UXS1: variants seen among roughly 807,000 people sequenced by gnomAD.
UXS1 encodes the protein UDP-glucuronic acid decarboxylase 1.
A neutral mutation model predicts 62.6 loss-of-function variants in UXS1; 33 were observed. The ratio of observed to expected loss-of-function variants is 0.53; its 90% CI spans 0.40 to 0.70. The LOEUF (loss-of-function observed/expected upper bound fraction) is 0.70. Among genes scored for constraint, UXS1 ranks in the 30% least tolerant of loss-of-function variants. The pLI is 0.00. For missense variants in UXS1, 434 were observed against 556.3 expected (o/e 0.78, Z 2.21); for synonymous variants, 213 against 206.8 (o/e 1.03, Z -0.26).
Position 106,137,344 on chromosome 2 carries a change from C to T in UXS1, c.473-7566G>A, listed in dbSNP as rs527569054. ...GTTTCCAGCTAGGATCAGCACAGAC[C>T]GGGTCAGTTCCTGCTACACCTACTT... On this transcript the variant is annotated intron_variant, in intron 6 of 14. Coordinates refer to ENST00000283148, the MANE Select transcript of UXS1 (RefSeq NM_001253875.2). Among the ~76,000 whole-genome samples the T allele has an allele frequency of 5.4e-4, 83 of 152,328 alleles. 4 individuals carry two copies. The highest frequency in any genetic ancestry group is 4.1e-3 in the Admixed American group (62 of 15,306).
intron 11 of UXS1, among the ~76,000 whole-genome samples, chr2:106,103,477 T>C (rs1677781739): frequency 6.6e-6 from 1 of 152,150 alleles, no homozygotes; most frequent in Admixed American, 6.5e-5. Context: ...CGCGTCACTA[T>C]GGAAAGACGG....
At chr2:106,174,853 C>A (rs1473947463) in intron 1 of UXS1, among the ~76,000 whole-genome samples, 1 of 152,220 alleles carries the variant, frequency 6.6e-6, no homozygotes, top group Non-Finnish European at 1.5e-5. Context: ...ACACAGCTAG[C>A]GCCCACCCAT....
chr2:106,130,748 C>A (rs1029375821), intron 6 of UXS1, among the ~76,000 whole-genome samples: 2 of 152,326 alleles, frequency 1.3e-5, no homozygotes, highest in African/African-American at 4.8e-5. Context: ...GCAGGTCAGT[C>A]TGGAGGTTCT....
At chr2:106,161,271 C>T (rs948408947) in intron 4 of UXS1, among the ~76,000 whole-genome samples, 11 of 152,114 alleles carry the variant, frequency 7.2e-5, no homozygotes, top group African/African-American at 2.7e-4. Context: ...CAGCTCACTG[C>T]AGCCTTGTAT....
At chr2:106,138,585 A>G in intron 6 of UXS1, 1 of 985,512 alleles carries the variant, frequency 1.0e-6, no homozygotes, top group Non-Finnish European at 1.2e-6. Flanking sequence ...ACAGGGCTCC[A>G]CAAAAGTTAG....
intron 6 of UXS1, among the ~76,000 whole-genome samples, chr2:106,139,282 T>C (rs1427220603): frequency 6.6e-6 from 1 of 152,084 alleles, no homozygotes; most frequent in Non-Finnish European, 1.5e-5. Context: ...GGAGCTCAGC[T>C]AGAAAAATAG....
chr2:106,143,394 G>C (rs1307480353), intron 6 of UXS1, among the ~76,000 whole-genome samples: 1 of 81,342 alleles, frequency 1.2e-5, no homozygotes, highest in Non-Finnish European at 2.2e-5. Flanking sequence ...GGGCAACAGA[G>C]AGAGACTCCG....
At chr2:106,173,468 C>T (rs953404030) in intron 1 of UXS1, among the ~76,000 whole-genome samples, 4 of 152,078 alleles carry the variant, frequency 2.6e-5, no homozygotes, top group Non-Finnish European at 5.9e-5. Flanking sequence ...GTGGGAGAAT[C>T]GCTTGAGCCC....
intron 9 of UXS1, 149 bp downstream of exon 9, chr2:106,122,821 C>T (rs1423511936): frequency 3.0e-6 from 3 of 1,002,246 alleles, no homozygotes; most frequent in African/African-American, 3.3e-5. Flanking sequence ...TTGATAATAC[C>T]ATTAATTTAT....
chr2:106,142,952 A>T (rs113871375), intron 6 of UXS1, among the ~76,000 whole-genome samples: 13 of 151,926 alleles, frequency 8.6e-5, no homozygotes, highest in African/African-American at 3.1e-4. Context: ...TGTGTCCTAC[A>T]CACAGTCACA....
chr2:106,121,538 T>G (rs1679522425), intron 9 of UXS1, among the ~76,000 whole-genome samples: 1 of 152,186 alleles, frequency 6.6e-6, no homozygotes, highest in South Asian at 2.1e-4. Flanking sequence ...TCAGTACTCC[T>G]AAGTACCCAT....
intron 5 of UXS1, among the ~76,000 whole-genome samples, chr2:106,150,712 G>T (rs943172796): frequency 2.6e-5 from 4 of 152,218 alleles, no homozygotes; most frequent in African/African-American, 4.8e-5. Flanking sequence ...GAGGTGGCGG[G>T]GGGTAGGCAG....
intron 4 of UXS1, among the ~76,000 whole-genome samples, chr2:106,162,378 T>C (rs966090117): frequency 2.6e-5 from 4 of 152,216 alleles, no homozygotes; most frequent in Non-Finnish European, 5.9e-5. Context: ...TTGAGAGCTC[T>C]TGTTTGTAAG....
intron 2 of UXS1, among the ~76,000 whole-genome samples, chr2:106,165,413 CACA>C (rs1176697324): frequency 1.3e-5 from 2 of 152,326 alleles, no homozygotes; most frequent in Non-Finnish European, 2.9e-5. Flanking sequence ...TAGTGATTCT[CACA>C]ACATAACCAA....
At chr2:106,191,972 G>T (rs1175448060) in intron 1 of UXS1, among the ~76,000 whole-genome samples, 1 of 152,158 alleles carries the variant, frequency 6.6e-6, no homozygotes. Flanking sequence ...CACAGCAACA[G>T]CATACAGAAC....
At chr2:106,103,324 A>G (rs1451709343) in intron 11 of UXS1, among the ~76,000 whole-genome samples, 2 of 152,208 alleles carry the variant, frequency 1.3e-5, no homozygotes, top group Non-Finnish European at 2.9e-5. Context: ...ACAACATCTC[A>G]TTGATATTCC....
chr2:106,188,876 C>T (rs1428608582), intron 1 of UXS1, among the ~76,000 whole-genome samples: 1 of 152,078 alleles, frequency 6.6e-6, no homozygotes, highest in Admixed American at 6.5e-5. Context: ...TTTTAAAAAT[C>T]CAGAGAATAT....
chr2:106,143,110 T>A (rs1051865789), intron 6 of UXS1, among the ~76,000 whole-genome samples: 2 of 152,042 alleles, frequency 1.3e-5, no homozygotes, highest in Non-Finnish European at 2.9e-5. Context: ...AAATAAATGT[T>A]TCTTGCCATG....
At chr2:106,182,318 G>A (rs185868776) in intron 1 of UXS1, among the ~76,000 whole-genome samples, 1 of 152,296 alleles carries the variant, frequency 6.6e-6, no homozygotes, top group East Asian at 1.9e-4. Flanking sequence ...TGCAGCCCGC[G>A]GGCAGTGGCT....
Sources: allele counts gnomAD v4.1 joint callset (sites outside exome capture counted in the v4.1 genomes callset), GRCh38; gene constraint gnomAD v4.1.1; transcripts MANE v1.5; gene names NCBI Gene and HGNC (gene_info 2026-07-23, HGNC 2026-07-21).